The following DPY19L4 variants were observed in gnomAD, a reference collection of about 807,000 sequenced individuals.
The protein encoded by DPY19L4 is dpy-19 like 4.
Under a neutral mutation model 102.8 loss-of-function variants are expected in DPY19L4, and 97 were observed. That is an observed-to-expected ratio of 0.94 (90% CI 0.80 to 1.12). The LOEUF is 1.12. DPY19L4 is among the 50% of genes most tolerant of loss of function. The pLI is 0.00. For synonymous variants in DPY19L4, 252 were observed against 283.1 expected, an observed-to-expected ratio of 0.89 and a Z score of 1.10; for missense variants, 815 against 850.4, an observed-to-expected ratio of 0.96 and a Z score of 0.52.
At chr8:94,767,616 C>T (rs1488057586) in intron 11 of DPY19L4, among the ~76,000 whole-genome samples, 1 of 152,056 alleles carries the variant, frequency 6.6e-6, no homozygotes, top group Non-Finnish European at 1.5e-5. Context: ...GTTGATCATA[C>T]TTAGAGTTGA....
intron 6 of DPY19L4, 83 bp downstream of exon 6, chr8:94,739,873 C>T (rs558857903): frequency 8.1e-6 from 12 of 1,475,214 alleles, no homozygotes; most frequent in Admixed American, 5.3e-5. Context: ...CCCTCCCCAA[C>T]AGTCCTCACT....
chr8:94,750,374 C>T (rs1016977157), intron 6 of DPY19L4, among the ~76,000 whole-genome samples: 13 of 152,134 alleles, frequency 8.5e-5, no homozygotes, highest in Non-Finnish European at 1.0e-4. Context: ...TGTTTATTGA[C>T]GTGTATCTTG....
At chr8:94,747,862 T>A (rs1811751420) in intron 6 of DPY19L4, among the ~76,000 whole-genome samples, 1 of 152,122 alleles carries the variant, frequency 6.6e-6, no homozygotes, top group Non-Finnish European at 1.5e-5. Context: ...GCTGGGCCTA[T>A]ACTATGATGT....
At chr8:94,725,482 C>A (rs1056989350) in intron 1 of DPY19L4, among the ~76,000 whole-genome samples, 1 of 152,146 alleles carries the variant, frequency 6.6e-6, no homozygotes, top group Non-Finnish European at 1.5e-5. Flanking sequence ...TATTTTGAGA[C>A]CTTCTCATAT....
At chr8:94,749,342 AAAG>A (rs1811818354) in intron 6 of DPY19L4, among the ~76,000 whole-genome samples, 1 of 152,202 alleles carries the variant, frequency 6.6e-6, no homozygotes, top group Admixed American at 6.5e-5. Context: ...TCAATGTTGC[AAAG>A]AAATCAACAT....
intron 2 of DPY19L4, among the ~76,000 whole-genome samples, chr8:94,733,956 T>C (rs1811081500): frequency 6.6e-6 from 1 of 152,188 alleles, no homozygotes; most frequent in South Asian, 2.1e-4. Flanking sequence ...TTTACATTAG[T>C]ATGGTACATT....
At chr8:94,766,384 A>G (rs1053719743) in intron 10 of DPY19L4, among the ~76,000 whole-genome samples, 11 of 152,248 alleles carry the variant, frequency 7.2e-5, no homozygotes, top group African/African-American at 2.7e-4. Flanking sequence ...TCAAAAAAAA[A>G]GAAAAAAGAA....
chr8:94,780,794 G>A (rs6471491), intron 15 of DPY19L4, among the ~76,000 whole-genome samples: 126,264 of 152,112 alleles, frequency 0.83, 52,846 homozygotes, highest in East Asian at 0.96. Context: ...TAGTATGTAT[G>A]TGCCTGAAAG....
At chr8:94,729,833 AAAAC>A (rs145645737) in intron 2 of DPY19L4, among the ~76,000 whole-genome samples, 1 of 151,938 alleles carries the variant, frequency 6.6e-6, no homozygotes, top group Admixed American at 6.6e-5. Flanking sequence ...TCTGTCTCAA[AAAAC>A]AAACAAACAA....
intron 8 of DPY19L4, among the ~76,000 whole-genome samples, chr8:94,764,689 G>GTGTGTGTGTGTGTATATA (rs1415377058): frequency 1.8e-3 from 78 of 43,178 alleles, no homozygotes; most frequent in Non-Finnish European, 2.4e-3. Flanking sequence ...GTCTGTGTGT[G>GTGTGTGTGTGTGTATATA]TATATATATA....
At chr8:94,783,441 T>C (rs1404144503) in intron 16 of DPY19L4, among the ~76,000 whole-genome samples, 1 of 150,336 alleles carries the variant, frequency 6.7e-6, no homozygotes, top group African/African-American at 2.4e-5. Context: ...GTCTTCCCCC[T>C]GCTCCCTCTT....
At chr8:94,731,762 T>C (rs1354935453) in intron 2 of DPY19L4, among the ~76,000 whole-genome samples, 1 of 152,098 alleles carries the variant, frequency 6.6e-6, no homozygotes, top group African/African-American at 2.4e-5. Context: ...TGTTTGTTTG[T>C]TTGTTTTGAG....
At position 94,791,134 on chromosome 8, in the gene DPY19L4, T is replaced by G. The variant is rs1362954549; in HGVS notation, c.*1224T>G. 6.6e-6 allele frequency: 1 copy of G among 152,184 alleles called. No individual in the cohort carries two copies. Among genetic ancestry groups the G allele is most frequent in the East Asian group, 1.9e-4 (1 of 5,202 alleles). The allele number at this position is 152,184 out of a possible 1,614,324, so 9.4% of individuals were successfully genotyped here. Reference sequence around the variant, plus strand: ...GTTTAGTTTTTCCTTATATTCCTGTTCAGTGAACAGATTTTCATAATTCTC... The same window carrying G: ...GTTTAGTTTTTCCTTATATTCCTGTGCAGTGAACAGATTTTCATAATTCTC... On this transcript the variant is annotated 3_prime_UTR_variant, in exon 19 of 19. Transcript: ENST00000414645.
At chr8:94,760,437 G>C (rs753613930) in intron 7 of DPY19L4, among the ~76,000 whole-genome samples, 14 of 152,222 alleles carry the variant, frequency 9.2e-5, no homozygotes, top group Non-Finnish European at 8.8e-5. Context: ...GCTTATGTCA[G>C]AGCCCTTCTG....
At chr8:94,759,782 T>C (rs1267218047) in intron 7 of DPY19L4, among the ~76,000 whole-genome samples, 2 of 152,140 alleles carry the variant, frequency 1.3e-5, no homozygotes, top group African/African-American at 4.8e-5. Flanking sequence ...GGATTACAGG[T>C]GTGAGCCACT....
At chr8:94,730,809 G>A (rs1454731348) in intron 2 of DPY19L4, among the ~76,000 whole-genome samples, 58 of 135,496 alleles carry the variant, frequency 4.3e-4, no homozygotes, top group African/African-American at 1.5e-3. Flanking sequence ...GCAGTGGTGT[G>A]ATCTCAGCTC....
intron 2 of DPY19L4, among the ~76,000 whole-genome samples, chr8:94,732,296 G>C (rs1810994688): frequency 6.6e-6 from 1 of 152,024 alleles, no homozygotes; most frequent in Non-Finnish European, 1.5e-5. Context: ...TAGGCCTTTA[G>C]TCCCTTATTT....
chr8:94,773,907 C>T lies in DPY19L4; in HGVS notation c.1454+3336C>T, dbSNP rs538712411. Among the ~76,000 whole-genome samples, 732 of 147,952 alleles carry T rather than the reference C, an allele frequency of 4.9e-3. 3 individuals are homozygous for T. The highest frequency in any genetic ancestry group is 0.017 in the African/African-American group (688 of 39,782). ...AAAAAAAGCCAGGCATGGTGGCATG[C>T]GTCTGTGGTCCCAGCCACTATGGAG... On this transcript the variant is annotated intron_variant, in intron 13 of 18. Coordinates refer to ENST00000414645, the MANE Select transcript of DPY19L4 (RefSeq NM_181787.3).
intron 14 of DPY19L4, among the ~76,000 whole-genome samples, chr8:94,780,062 T>G (rs1416360990): frequency 1.3e-5 from 2 of 152,198 alleles, no homozygotes; most frequent in Non-Finnish European, 2.9e-5. Flanking sequence ...TTCTGGCAAA[T>G]TTTTCAAGTA....
Sources: allele counts gnomAD v4.1 joint callset (sites outside exome capture counted in the v4.1 genomes callset), GRCh38; gene constraint gnomAD v4.1.1; transcripts MANE v1.5; gene names NCBI Gene and HGNC (gene_info 2026-07-23, HGNC 2026-07-21).